Variants in OOEP observed in about 807,000 individuals in gnomAD.
OOEP encodes the protein oocyte-expressed protein homolog.
OOEP carries 16 observed loss-of-function variants against 13.7 expected under a neutral mutation model. The observed-to-expected ratio is 1.16, with a 90% confidence interval of 0.79 to 1.77. OOEP has a LOEUF of 1.77. Ranked by LOEUF, OOEP falls within the 40% of genes most tolerant of loss-of-function variation. The probability of loss-of-function intolerance (pLI) is 0.00; values close to 1 mark genes in which losing one functional copy is unlikely to be tolerated. For synonymous variants in OOEP, 89 were observed against 77.1 expected, an observed-to-expected ratio of 1.15 and a Z score of -0.81; for missense variants, 195 against 193.1, an observed-to-expected ratio of 1.01 and a Z score of -0.06.
chr6:73,385,172 C>T (rs1234988451), intron 2 of OOEP, among the ~76,000 whole-genome samples: 1 of 151,684 alleles, frequency 6.6e-6, no homozygotes, highest in Non-Finnish European at 1.5e-5. Context: ...TGGTGAAACC[C>T]CGTCTCTACT....
chr6:73,385,030 C>T (rs1769249812), intron 2 of OOEP, among the ~76,000 whole-genome samples: 1 of 150,916 alleles, frequency 6.6e-6, no homozygotes, highest in Non-Finnish European at 1.5e-5. Context: ...GCCACCACAC[C>T]CAGCCTCAAA....
intron 2 of OOEP, among the ~76,000 whole-genome samples, chr6:73,388,395 C>T (rs1047310101): frequency 1.3e-5 from 2 of 152,194 alleles, no homozygotes; most frequent in African/African-American, 4.8e-5. Flanking sequence ...GAAGAAAACT[C>T]AGAAGGACCA....
chr6:73,377,858 A>T (rs1341501611), intron 2 of OOEP, among the ~76,000 whole-genome samples: 1 of 152,142 alleles, frequency 6.6e-6, no homozygotes, highest in Admixed American at 6.6e-5. Context: ...TATGTTTTGT[A>T]GAAACAAGTT....
intron 2 of OOEP, among the ~76,000 whole-genome samples, chr6:73,379,079 C>T (rs1769168585): frequency 6.6e-6 from 1 of 151,826 alleles, no homozygotes; most frequent in South Asian, 2.1e-4. Context: ...GGCTGGAGTG[C>T]AGTGGCATGA....
chr6:73,395,028 G>C, exon 1 of OOEP: 1 of 1,614,270 alleles, frequency 6.2e-7, no homozygotes, highest in African/African-American at 1.3e-5. Context: ...CAGGTCCTGA[G>C]GGATATAGTG....
intron 2 of OOEP, among the ~76,000 whole-genome samples, chr6:73,375,421 A>G (rs1031850495): frequency 1.3e-5 from 2 of 151,998 alleles, no homozygotes; most frequent in Admixed American, 1.3e-4. Context: ...CTACAAAAAA[A>G]TTAAAAATTA....
intron 2 of OOEP, among the ~76,000 whole-genome samples, chr6:73,389,731 A>C (rs1476349151): frequency 6.6e-6 from 1 of 151,948 alleles, no homozygotes; most frequent in Non-Finnish European, 1.5e-5. Context: ...GCATTAGGAG[A>C]TATACCTAAT....
chr6:73,373,197 T>A, upstream of OOEP: 1 of 1,612,708 alleles, frequency 6.2e-7, no homozygotes, highest in Non-Finnish European at 8.5e-7. Flanking sequence ...CACTGGGGAA[T>A]GGGACGATTT....
intron 2 of OOEP, among the ~76,000 whole-genome samples, chr6:73,392,302 G>GT (rs1199578304): frequency 2.0e-5 from 3 of 152,156 alleles, no homozygotes; most frequent in African/African-American, 4.8e-5. Context: ...TTTATTTAAT[G>GT]TTTTTTTATC....
At chr6:73,371,529 A>C (rs1221531437), upstream of OOEP, among the ~76,000 whole-genome samples, 2 of 151,914 alleles carry the variant, frequency 1.3e-5, no homozygotes, top group Non-Finnish European at 2.9e-5. Context: ...CGGGCAGATC[A>C]CCTGAGGTCG....
intron 2 of OOEP, among the ~76,000 whole-genome samples, chr6:73,388,273 G>A (rs764556924): frequency 1.3e-5 from 2 of 149,360 alleles, no homozygotes; most frequent in Non-Finnish European, 3.0e-5. Flanking sequence ...TATAAACAGC[G>A]AAGAATGTAT....
chr6:73,386,131 G>A (rs1281920722), intron 2 of OOEP, among the ~76,000 whole-genome samples: 1 of 129,680 alleles, frequency 7.7e-6, no homozygotes, highest in Non-Finnish European at 1.6e-5. Context: ...TTTCGCTCTT[G>A]TTGCCCAGGC....
chr6:73,384,638 A>G (rs1441928479), intron 2 of OOEP, among the ~76,000 whole-genome samples: 1 of 152,052 alleles, frequency 6.6e-6, no homozygotes, highest in African/African-American at 2.4e-5. Flanking sequence ...AGTTCCAGGT[A>G]TTGAGCCATG....
chr6:73,387,813 A>G (rs1272479857), intron 2 of OOEP: 2 of 152,174 alleles, frequency 1.3e-5, no homozygotes, highest in Non-Finnish European at 2.9e-5. Flanking sequence ...CTTCTAAATC[A>G]TGGCTCCAAA....
upstream of OOEP, among the ~76,000 whole-genome samples, chr6:73,373,499 C>T (rs1257493932): frequency 6.6e-6 from 1 of 152,190 alleles, no homozygotes; most frequent in East Asian, 1.9e-4. Flanking sequence ...CTCAAGCAGT[C>T]CTCCTGCCTT....
At chr6:73,385,101 C>G (rs1769250721) in intron 2 of OOEP, among the ~76,000 whole-genome samples, 1 of 150,774 alleles carries the variant, frequency 6.6e-6, no homozygotes, top group South Asian at 2.1e-4. Context: ...AATCCCAGCA[C>G]TTTGGGAGGC....
At chr6:73,394,291 CTGT>C in intron 2 of OOEP, 1 of 713,192 alleles carries the variant, frequency 1.4e-6, no homozygotes, top group Non-Finnish European at 2.6e-6. Flanking sequence ...TTTTGTCAAT[CTGT>C]TGTTTCAAGT....
At chr6:73,377,309 C>T (rs951263195) in intron 2 of OOEP, among the ~76,000 whole-genome samples, 1 of 152,188 alleles carries the variant, frequency 6.6e-6, no homozygotes, top group Non-Finnish European at 1.5e-5. Context: ...ATGTAGGCAG[C>T]ATGTTTTGCT....
chr6:73,378,228 G>A (rs1769158559), intron 2 of OOEP, among the ~76,000 whole-genome samples: 1 of 151,686 alleles, frequency 6.6e-6, no homozygotes, highest in Non-Finnish European at 1.5e-5. Flanking sequence ...TCAGCCTCTA[G>A]AGTAGCTGGG....
Sources: gnomAD v4.1 joint callset for allele counts (sites outside exome capture counted in the v4.1 genomes callset) on GRCh38, gnomAD v4.1.1 for gene constraint, MANE v1.5 for transcripts, NCBI Gene and HGNC (gene_info 2026-07-23, HGNC 2026-07-21) for gene names.